Variants in TCEA1 observed in about 807,000 individuals in gnomAD.
TCEA1 encodes transcription elongation factor A1, also known as transcription elongation factor A protein 1.
TCEA1 carries 21 observed loss-of-function variants against 43.8 expected under a neutral mutation model. That is an observed-to-expected ratio of 0.48 (90% CI 0.34 to 0.69). The LOEUF is 0.69. Among genes scored for constraint, TCEA1 ranks in the 30% least tolerant of loss-of-function variants. The pLI is 0.01. For synonymous variants in TCEA1, 104 were observed against 117.5 expected (o/e 0.88, Z 0.75); for missense variants, 250 against 365.1 (o/e 0.68, Z 2.57).
At chr8:54,011,912 G>C (rs898255946) in intron 1 of TCEA1, among the ~76,000 whole-genome samples, 1 of 152,106 alleles carries the variant, frequency 6.6e-6, no homozygotes, top group Non-Finnish European at 1.5e-5. Flanking sequence ...ATTATGACAC[G>C]TTATTATAAG....
rs1459863450 is a variant in TCEA1 at position 54,022,106 on chromosome 8, C to T, written c.20G>A (p.Arg7His). The T allele has an allele frequency of 1.2e-6, 2 of 1,603,080 alleles. No homozygotes were observed. The highest frequency in any genetic ancestry group is 1.7e-5 in the Admixed American group (1 of 59,574). Residue 7 changes from arginine to histidine, a missense_variant, in exon 1 of 10, where the codon CGC (arginine) becomes CAC (histidine). This residue lies in a region of TCEA1 where 30 missense variants were observed against 31.8 expected (regional missense o/e 0.94). Transcript: ENST00000521604. MEDEVV[R>H]FAKKMDKMVQ... ...CATCTTGTCCATCTTCTTGGCAAAG[C>T]GGACCACTTCGTCCTCCATGGCTCC...
At chr8:54,016,288 A>G (rs1328213731) in intron 1 of TCEA1, among the ~76,000 whole-genome samples, 1 of 151,980 alleles carries the variant, frequency 6.6e-6, no homozygotes, top group Non-Finnish European at 1.5e-5. Context: ...CATCCTGGCT[A>G]ATACAGTGAA....
rs1457050463 is a variant in TCEA1 at position 54,008,854 on chromosome 8, T to A, written c.126+1576A>T. Among the ~76,000 whole-genome samples, 134 of 137,458 alleles carry A rather than the reference T, an allele frequency of 9.7e-4. 1 individual carries two copies. Among genetic ancestry groups the A allele is most frequent in the African/African-American group, 3.0e-3 (112 of 37,946 alleles). The allele number at this position is 137,458 out of a possible 152,430, so 90.2% of individuals were successfully genotyped here. A position where few individuals can be genotyped will look rare whatever the true frequency, so the allele number is the denominator to read the frequency against. On this transcript the variant is annotated intron_variant, in intron 2 of 9. Transcript: ENST00000521604. ...TATTTTATTTTTATTTATTTATTTA[T>A]TTTTTTTTTTTTTGAGACAGAGTCT...
rs1478491292 is a variant in TCEA1, at chr8:53,979,118, G to A, written c.732C>T (p.Ala244=). ...TCTTGGCCATCTGATGCTCTCTGAT[G>A]GCTTCTTTGGTCAAGTTTTTCCGCA... is the stretch of plus-strand genomic sequence containing the variant. ...KEMRKNLTKE[A]IREHQMAKTG... is the part of the protein sequence containing the mutation. Residue 244 remains alanine (A), a synonymous_variant, in exon 8 of 10, where the codon GCC becomes GCT. Coordinates refer to ENST00000521604, the MANE Select transcript of TCEA1 (RefSeq NM_006756.4). The A allele has an allele frequency of 6.2e-7, 1 of 1,613,744 alleles. No individual in the cohort carries two copies. The highest frequency in any genetic ancestry group is 2.2e-5 in the East Asian group (1 of 44,874).
intron 7 of TCEA1, among the ~76,000 whole-genome samples, chr8:53,982,845 G>C (rs1427659099): frequency 3.3e-5 from 5 of 152,160 alleles, no homozygotes; most frequent in African/African-American, 1.2e-4. Flanking sequence ...AAAGGATTTA[G>C]AATAATATGT....
chr8:53,983,415 G>A (rs1014120479), intron 7 of TCEA1, among the ~76,000 whole-genome samples: 1 of 152,178 alleles, frequency 6.6e-6, no homozygotes, highest in Admixed American at 6.5e-5. Flanking sequence ...ATACAATATA[G>A]CTAATATCTA....
chr8:53,972,844 G>C, intron 8 of TCEA1: 1 of 720,184 alleles, frequency 1.4e-6, no homozygotes, highest in Non-Finnish European at 2.6e-6. Context: ...GAAAGTAGTT[G>C]TTCTTTCACA....
At chr8:54,020,557 T>A (rs28489512) in intron 1 of TCEA1, among the ~76,000 whole-genome samples, 1 of 152,216 alleles carries the variant, frequency 6.6e-6, no homozygotes, top group East Asian at 1.9e-4. Context: ...CTAGCTGTCA[T>A]GTGGAAAGCA....
At chr8:53,973,226 GAAA>G in intron 8 of TCEA1, 2 of 468,074 alleles carry the variant, frequency 4.3e-6, no homozygotes, top group Non-Finnish European at 7.9e-6. Context: ...GGTTATTCAA[GAAA>G]AAGAAAAGAA....
rs1805068004 is a variant in TCEA1 at position 54,022,203 on chromosome 8, A to C, written c.-78T>G. The C allele has an allele frequency of 1.3e-6, 2 of 1,484,140 alleles. No homozygotes were observed. The highest frequency in any genetic ancestry group is 2.8e-5 in the African/African-American group (2 of 70,546). 91.9% of individuals were successfully genotyped at this position (1,484,140 alleles called of 1,614,324 possible). On this transcript the variant is annotated 5_prime_UTR_variant, in exon 1 of 10. Coordinates refer to ENST00000521604, the MANE Select transcript of TCEA1 (RefSeq NM_006756.4). ...AAGCTGGAGCGGAAGACACAGCAGGAGCGACCCCCGGCGCGCAGCAACCCC... is the reference window on the plus strand; with the variant it reads ...AAGCTGGAGCGGAAGACACAGCAGGCGCGACCCCCGGCGCGCAGCAACCCC...
chr8:54,002,708 T>C (rs1209153046), intron 2 of TCEA1, among the ~76,000 whole-genome samples: 1 of 152,182 alleles, frequency 6.6e-6, no homozygotes, highest in Non-Finnish European at 1.5e-5. Context: ...AATAGATAGG[T>C]TATACGAAAG....
intron 9 of TCEA1, among the ~76,000 whole-genome samples, chr8:53,969,355 GA>G (rs1444325245): frequency 4.6e-5 from 7 of 152,256 alleles, no homozygotes; most frequent in African/African-American, 1.7e-4. Flanking sequence ...TGGAGTTGAA[GA>G]AGCCAAATGG....
At chr8:53,998,181 GC>G (rs1430016988) in intron 3 of TCEA1, among the ~76,000 whole-genome samples, 1 of 152,170 alleles carries the variant, frequency 6.6e-6, no homozygotes, top group East Asian at 1.9e-4. Context: ...AAGGATACAT[GC>G]CCCCACACAT....
chr8:54,000,867 C>A (rs1029354298), intron 2 of TCEA1, among the ~76,000 whole-genome samples: 3 of 150,870 alleles, frequency 2.0e-5, no homozygotes, highest in African/African-American at 7.4e-5. Flanking sequence ...TCAAGCAATT[C>A]TCCTGCCTCA....
Position 53,979,163 on chromosome 8 carries a change from A to G in TCEA1, c.687T>C (p.Ala229=), listed in dbSNP as rs977786885. The part of the protein sequence containing the change: ...LFARMTAEEM[A]SDELKEMRKN... ...TCCGCATCTCTTTCAGCTCATCACT[A>G]GCCATTTCCTATGAGGTAGGGGGCA... Residue 229 remains alanine, a synonymous_variant, in exon 8 of 10, where the codon GCT becomes GCC. Coordinates refer to ENST00000521604, the MANE Select transcript of TCEA1 (RefSeq NM_006756.4). 1 of 1,613,356 alleles carries G rather than the reference A, an allele frequency of 6.2e-7. No homozygotes were observed. Among genetic ancestry groups the G allele is most frequent in the Non-Finnish European group, 8.5e-7 (1 of 1,179,552 alleles).
intron 5 of TCEA1, among the ~76,000 whole-genome samples, chr8:53,987,294 G>T (rs745980646): frequency 6.6e-6 from 1 of 152,146 alleles, no homozygotes; most frequent in Non-Finnish European, 1.5e-5. Context: ...TTCATTTTTC[G>T]TAACTCCATA....
intron 3 of TCEA1, among the ~76,000 whole-genome samples, chr8:53,997,295 A>G (rs1386686271): frequency 2.0e-5 from 3 of 152,164 alleles, no homozygotes; most frequent in African/African-American, 7.2e-5. Context: ...CTACTACTAC[A>G]AAGATTGGTT....
At chr8:53,977,581 T>TG (rs1346182097) in intron 8 of TCEA1, among the ~76,000 whole-genome samples, 1 of 152,132 alleles carries the variant, frequency 6.6e-6, no homozygotes, top group Non-Finnish European at 1.5e-5. Flanking sequence ...GTTCTATCGG[T>TG]GAAAAAATCA....
intron 7 of TCEA1, among the ~76,000 whole-genome samples, chr8:53,983,291 G>A (rs532400196): frequency 5.3e-5 from 8 of 152,130 alleles, no homozygotes; most frequent in Non-Finnish European, 7.3e-5. Context: ...TGTGTGACTC[G>A]TGTGTCACTT....
Sources: gnomAD v4.1 joint callset for allele counts (sites outside exome capture counted in the v4.1 genomes callset) on GRCh38, gnomAD v4.1.1 for gene constraint, gnomAD v4.1.1 regional missense constraint, MANE v1.5 for transcripts, NCBI Gene and HGNC (gene_info 2026-07-23, HGNC 2026-07-21) for gene names.